The following SPAST variants were observed in gnomAD, a reference collection of about 807,000 sequenced individuals.
SPAST encodes the protein spastic paraplegia 4 (autosomal dominant; spastin).
SPAST carries 30 observed loss-of-function variants against 76.6 expected under a neutral mutation model. That is an observed-to-expected ratio of 0.39 (90% confidence interval 0.29 to 0.53). The LOEUF (loss-of-function observed/expected upper bound fraction) is 0.53. SPAST is among the 20% of genes least tolerant of loss of function. The pLI is 0.68. For synonymous variants in SPAST, 305 were observed against 281.0 expected (o/e 1.09, Z -0.86); for missense variants, 717 against 770.5 (o/e 0.93, Z 0.82).
intron 15 of SPAST, among the ~76,000 whole-genome samples, chr2:32,147,017 C>T (rs1026718553): frequency 8.6e-5 from 13 of 151,866 alleles, no homozygotes; most frequent in African/African-American, 3.1e-4. Flanking sequence ...GAACACTTTC[C>T]AGTTATTCCA....
At chr2:32,077,784 A>T (rs1677024402) in intron 1 of SPAST, 1 of 152,140 alleles carries the variant, frequency 6.6e-6, no homozygotes, top group African/African-American at 2.4e-5. Context: ...CATATCTCTT[A>T]CCTCTATTTA....
chr2:32,111,454 T>C (rs972419704), intron 4 of SPAST, among the ~76,000 whole-genome samples: 8 of 149,038 alleles, frequency 5.4e-5, no homozygotes, highest in African/African-American at 2.0e-4. Context: ...CTGTATAGTA[T>C]ATAGAGTATA....
At chr2:32,106,519 G>C (rs115016113) in intron 4 of SPAST, among the ~76,000 whole-genome samples, 3,385 of 152,278 alleles carry the variant, frequency 0.022, 107 homozygotes, top group African/African-American at 0.076. Flanking sequence ...GCAGAAATCA[G>C]CTGTCTTCTG....
intron 1 of SPAST, among the ~76,000 whole-genome samples, chr2:32,086,743 G>A (rs1026520016): frequency 4.0e-5 from 6 of 151,360 alleles, no homozygotes; most frequent in Non-Finnish European, 2.9e-5. Flanking sequence ...AGGTGACAGA[G>A]CAAGACTCTG....
chr2:32,106,291 G>C (rs188253597), intron 4 of SPAST, among the ~76,000 whole-genome samples: 1 of 152,206 alleles, frequency 6.6e-6, no homozygotes, highest in Non-Finnish European at 1.5e-5. Flanking sequence ...CTGGTGTGCC[G>C]TTTGCTAAGA....
chr2:32,068,993 T>C (rs536369455), intron 1 of SPAST, among the ~76,000 whole-genome samples: 1 of 152,120 alleles, frequency 6.6e-6, no homozygotes, highest in African/African-American at 2.4e-5. Context: ...GCGGATCACT[T>C]GTAGTCAGAA....
intron 3 of SPAST, among the ~76,000 whole-genome samples, chr2:32,091,075 CAAAA>C (rs1317454060): frequency 6.6e-6 from 1 of 151,442 alleles, no homozygotes; most frequent in East Asian, 1.9e-4. Context: ...ATCTACCACT[CAAAA>C]AAAGTAGAAC....
At chr2:32,140,610 C>G (rs528821848) in intron 12 of SPAST, among the ~76,000 whole-genome samples, 1 of 150,846 alleles carries the variant, frequency 6.6e-6, no homozygotes, top group African/African-American at 2.4e-5. Context: ...GAGCAAGGCT[C>G]TGTCTCAAAA....
chr2:32,110,691 TA>T (rs1678542259), intron 4 of SPAST, among the ~76,000 whole-genome samples: 1 of 137,948 alleles, frequency 7.2e-6, no homozygotes, highest in Admixed American at 7.6e-5. Flanking sequence ...ATATATACTG[TA>T]TATATAGTGT....
At chr2:32,085,159 T>C (rs1225272978) in intron 1 of SPAST, among the ~76,000 whole-genome samples, 2 of 151,464 alleles carry the variant, frequency 1.3e-5, no homozygotes, top group African/African-American at 4.8e-5. Context: ...CAAATAATTT[T>C]AGTTAATTTA....
chr2:32,090,164 G>A (rs986278120), intron 3 of SPAST, among the ~76,000 whole-genome samples: 4 of 152,224 alleles, frequency 2.6e-5, no homozygotes, highest in African/African-American at 9.6e-5. Context: ...AACTGCAGCT[G>A]ATGGGCCAAC....
At chr2:32,135,025 C>T (rs1558335617) in intron 9 of SPAST, among the ~76,000 whole-genome samples, 1 of 151,470 alleles carries the variant, frequency 6.6e-6, no homozygotes, top group Admixed American at 6.6e-5. Context: ...CCTGAACTGA[C>T]CTTAAGAAAG....
At chr2:32,107,006 C>T (rs894454854) in intron 4 of SPAST, among the ~76,000 whole-genome samples, 6 of 151,880 alleles carry the variant, frequency 4.0e-5, no homozygotes, top group Non-Finnish European at 7.4e-5. Context: ...TTCTCCAGCC[C>T]TGAAGAGTTG....
chr2:32,078,437 A>T (rs891480870), intron 1 of SPAST, among the ~76,000 whole-genome samples: 2 of 152,040 alleles, frequency 1.3e-5, no homozygotes, highest in African/African-American at 4.8e-5. Flanking sequence ...TAGCCTCCCA[A>T]AGTGCTGGGA....
In SPAST at chr2:32,140,254, G is replaced by GT. The variant is rs1240600212; in HGVS notation, c.1494-1644dup. ...TTTTGTAACTCTTCTTTCCTTGGTG[G>GT]TTTTTTATTCATTACTTTCCTGACA... On this transcript the variant is annotated intron_variant, in intron 12 of 16. Coordinates refer to ENST00000315285, the MANE Select transcript of SPAST (RefSeq NM_014946.4). Among the ~76,000 whole-genome samples, 8 of 152,068 alleles carry GT rather than the reference G, an allele frequency of 5.3e-5. No homozygotes were observed. In the East Asian group the frequency reaches 9.7e-4, roughly 18 times the overall value.
intron 4 of SPAST, among the ~76,000 whole-genome samples, chr2:32,114,202 C>T (rs921015882): frequency 1.3e-5 from 2 of 152,206 alleles, no homozygotes; most frequent in South Asian, 2.1e-4. Context: ...CCCAGGAGTT[C>T]GAGACCAGCC....
chr2:32,091,144 A>G (rs929830667), intron 3 of SPAST, among the ~76,000 whole-genome samples: 3 of 151,806 alleles, frequency 2.0e-5, no homozygotes, highest in Admixed American at 2.0e-4. Flanking sequence ...GAAATAGTAG[A>G]TATTTGGTAA....
At chr2:32,104,964 C>T (rs1486531363) in intron 4 of SPAST, among the ~76,000 whole-genome samples, 2 of 152,078 alleles carry the variant, frequency 1.3e-5, no homozygotes, top group Admixed American at 6.6e-5. Flanking sequence ...ATCTTTGTGG[C>T]ATTCTCTGTA....
At chr2:32,096,395 A>C (rs1677915983) in intron 3 of SPAST, among the ~76,000 whole-genome samples, 1 of 152,228 alleles carries the variant, frequency 6.6e-6, no homozygotes, top group Non-Finnish European at 1.5e-5. Flanking sequence ...AGGTCGCACC[A>C]CTGCGCTCCA....
Sources: allele counts gnomAD v4.1 joint callset (sites outside exome capture counted in the v4.1 genomes callset), GRCh38; gene constraint gnomAD v4.1.1; transcripts MANE v1.5; gene names NCBI Gene and HGNC (gene_info 2026-07-23, HGNC 2026-07-21).